The following ATP6V0D1 variants were observed in gnomAD, a reference collection of about 807,000 sequenced individuals.
The protein encoded by ATP6V0D1 is V-type proton ATPase subunit d 1.
ATP6V0D1 carries 13 observed loss-of-function variants against 39.0 expected under a neutral mutation model. That is an observed-to-expected ratio of 0.33 (90% CI 0.22 to 0.53). The LOEUF is 0.53. Ranked by LOEUF, ATP6V0D1 falls within the 20% of genes least tolerant of loss-of-function variation. The pLI is 0.94. For synonymous variants in ATP6V0D1, 191 were observed against 191.2 expected, an observed-to-expected ratio of 1.00 and a Z score of 0.01; for missense variants, 272 against 470.9, an observed-to-expected ratio of 0.58 and a Z score of 3.91.
At chr16:67,455,477 C>A (rs1597576507) in intron 1 of ATP6V0D1, 1 of 152,316 alleles carries the variant, frequency 6.6e-6, no homozygotes. Flanking sequence ...ACACTCATGA[C>A]CTCTGTGGCT....
intron 3 of ATP6V0D1, among the ~76,000 whole-genome samples, chr16:67,443,668 AAG>A (rs1385607888): frequency 6.6e-6 from 1 of 152,202 alleles, no homozygotes; most frequent in Non-Finnish European, 1.5e-5. Context: ...TGGGGTTGGA[AAG>A]AGAGGCCAGA....
intron 1 of ATP6V0D1, among the ~76,000 whole-genome samples, chr16:67,463,352 G>T (rs1239592030): frequency 1.3e-5 from 2 of 152,128 alleles, no homozygotes; most frequent in Non-Finnish European, 2.9e-5. Flanking sequence ...GCAACACAGA[G>T]AGACTCTGTC....
At chr16:67,463,835 A>G (rs1268864776) in intron 1 of ATP6V0D1, among the ~76,000 whole-genome samples, 1 of 152,008 alleles carries the variant, frequency 6.6e-6, no homozygotes, top group African/African-American at 2.4e-5. Flanking sequence ...GGGCAACAGT[A>G]ACATGCCAGA....
intron 1 of ATP6V0D1, among the ~76,000 whole-genome samples, chr16:67,462,089 C>T (rs2041293360): frequency 6.6e-6 from 1 of 152,198 alleles, no homozygotes; most frequent in East Asian, 1.9e-4. Flanking sequence ...GCACCCAGGG[C>T]AAGTTCCAAG....
chr16:67,462,018 G>C (rs998683656), intron 1 of ATP6V0D1, among the ~76,000 whole-genome samples: 1 of 152,200 alleles, frequency 6.6e-6, no homozygotes, highest in African/African-American at 2.4e-5. Context: ...TGACAGTCAG[G>C]AGGGTGCCAG....
intron 1 of ATP6V0D1, chr16:67,458,995 G>T: frequency 1.1e-6 from 1 of 939,370 alleles, no homozygotes; most frequent in Non-Finnish European, 1.3e-6. Context: ...CAAATTGAAT[G>T]GTTCGCTGTC....
chr16:67,457,533 C>G, intron 1 of ATP6V0D1: 1 of 1,279,040 alleles, frequency 7.8e-7, no homozygotes, highest in Non-Finnish European at 1.0e-6. Context: ...TCTTCCCCTC[C>G]TCGGAGGCAG....
intron 2 of ATP6V0D1, among the ~76,000 whole-genome samples, chr16:67,449,840 G>A (rs758545285): frequency 1.3e-4 from 20 of 152,214 alleles, no homozygotes; most frequent in Admixed American, 4.6e-4. Context: ...TTATGTGTGC[G>A]GCTGAAGGCT....
rs371591598 is a variant in ATP6V0D1, at chr16:67,438,587, C to T, written c.997G>A (p.Ala333Thr). 1.9e-6 allele frequency: 3 copies of T among 1,613,322 alleles called. No individual in the cohort carries two copies. The highest frequency in any genetic ancestry group is 2.5e-6 in the Non-Finnish European group (3 of 1,179,806). Residue 333 changes from alanine (A) to threonine (T), a missense_variant, in exon 8 of 8, where the codon GCT becomes ACT. Coordinates refer to ENST00000290949, the MANE Select transcript of ATP6V0D1 (RefSeq NM_004691.5). ...CGGTGGCGCTGGGCGATACATTCAG[C>T]GATCCACACGATGTTGCGACACTCC... ...EQECRNIVWI[A>T]ECIAQRHRAK...
chr16:67,471,712 C>T (rs995978538), intron 1 of ATP6V0D1, among the ~76,000 whole-genome samples: 1 of 151,770 alleles, frequency 6.6e-6, no homozygotes, highest in African/African-American at 2.4e-5. Flanking sequence ...CTCTCTGTTG[C>T]CCAGGCTGGA....
rs2041315452 is a variant in ATP6V0D1 at position 67,464,669 on chromosome 16, C to A, written c.131-10954G>T. ...GTGGCCACCAGCACAGGGACAAGGG[C>A]AGGCAGTAAAAGCTGAGTTTCAGAT... On this transcript the variant is annotated intron_variant, in intron 1 of 7. Transcript: ENST00000290949. Among the ~76,000 whole-genome samples, 4 of 152,230 alleles carry A rather than the reference C, an allele frequency of 2.6e-5. No individual in the cohort carries two copies. The South Asian group carries it at 8.3e-4, about 31-fold the overall frequency.
intron 1 of ATP6V0D1, among the ~76,000 whole-genome samples, chr16:67,463,385 G>A (rs915187308): frequency 2.0e-5 from 3 of 152,070 alleles, no homozygotes; most frequent in Non-Finnish European, 4.4e-5. Context: ...ACAAAGATTA[G>A]CCAGATGTGG....
At chr16:67,480,750 G>T (rs1054545381) in intron 1 of ATP6V0D1, among the ~76,000 whole-genome samples, 2 of 152,148 alleles carry the variant, frequency 1.3e-5, no homozygotes, top group Non-Finnish European at 2.9e-5. Flanking sequence ...GAACAACTGC[G>T]GTTCTTAAAG....
In ATP6V0D1 at chr16:67,453,004, C is replaced by T. The variant is rs994859142; in HGVS notation, c.302+540G>A. 4.6e-5 allele frequency among the ~76,000 whole-genome samples: 7 copies of T among 152,176 alleles called. No individual in the cohort carries two copies. The highest frequency in any genetic ancestry group is 1.0e-4 in the Non-Finnish European group (7 of 68,026). On this transcript the variant is annotated intron_variant, in intron 2 of 7. Transcript: ENST00000290949. This position sits in a 1 kb window ranked among gnomAD's most constrained non-coding sequence, Gnocchi z 4.1. ...AGGCAGCTAGACGTTCAGCCTGCCC[C>T]TCAACTCTACTCCGAACCAATCTCC...
In ATP6V0D1 at chr16:67,443,148, T is replaced by A; in HGVS notation, c.512A>T (p.Gln171Leu). The part of the protein sequence containing the change: ...AAFFQDCISE[Q>L]DLDEMNIEII... ...CTCGATGTTCATCTCGTCAAGGTCC[T>A]GCTCTGAAATGCAGTCCTGGAAAAA... Residue 171 changes from glutamine (Q) to leucine (L), a missense_variant, in exon 4 of 8, where the codon CAG becomes CTG. Coordinates refer to ENST00000290949, the MANE Select transcript of ATP6V0D1 (RefSeq NM_004691.5). 1 of 1,614,022 alleles carries A rather than the reference T, an allele frequency of 6.2e-7. No homozygotes were observed. Among genetic ancestry groups the A allele is most frequent in the Non-Finnish European group, 8.5e-7 (1 of 1,180,000 alleles).
chr16:67,460,630 GT>G (rs2041281798), intron 1 of ATP6V0D1, among the ~76,000 whole-genome samples: 1 of 152,128 alleles, frequency 6.6e-6, no homozygotes, highest in African/African-American at 2.4e-5. Flanking sequence ...GTAACCCCAA[GT>G]TCCAACACTT....
chr16:67,448,512 T>C (rs1308301044), intron 2 of ATP6V0D1, among the ~76,000 whole-genome samples: 1 of 151,294 alleles, frequency 6.6e-6, no homozygotes, highest in Non-Finnish European at 1.5e-5. Flanking sequence ...ATACAAAAAT[T>C]AGTCGGGTGT....
At chr16:67,459,322 G>C (rs1450873521) in intron 1 of ATP6V0D1, 1 of 941,532 alleles carries the variant, frequency 1.1e-6, no homozygotes, top group African/African-American at 1.8e-5. Context: ...TCCACAGGCC[G>C]GCCCTGTCCA....
At chr16:67,471,955 A>G (rs549574558) in intron 1 of ATP6V0D1, among the ~76,000 whole-genome samples, 2 of 152,180 alleles carry the variant, frequency 1.3e-5, no homozygotes, top group African/African-American at 4.8e-5. Flanking sequence ...TGAGTTTCTA[A>G]TTGTATCATA....
Sources: gnomAD v4.1 joint callset for allele counts (sites outside exome capture counted in the v4.1 genomes callset) on GRCh38, gnomAD v4.1.1 for gene constraint, Gnocchi (gnomAD v3.1) non-coding constraint, MANE v1.5 for transcripts, NCBI Gene and HGNC (gene_info 2026-07-23, HGNC 2026-07-21) for gene names.